Variants in CLDN1 observed in about 807,000 individuals in gnomAD.
The protein encoded by CLDN1 is claudin 1, also known as claudin-1.
In CLDN1, 12 loss-of-function variants were observed where a neutral mutation model predicts 22.6. The ratio of observed to expected loss-of-function variants is 0.53; its 90% CI spans 0.34 to 0.86. The LOEUF (loss-of-function observed/expected upper bound fraction) is 0.86, where lower values mean the gene tolerates loss of function less well. Ranked by LOEUF, CLDN1 falls within the 40% of genes least tolerant of loss-of-function variation. The pLI, the probability that CLDN1 is intolerant of heterozygous loss-of-function variation, is 0.02. For missense variants in CLDN1, 250 were observed against 269.5 expected, an observed-to-expected ratio of 0.93 and a Z score of 0.51; for synonymous variants, 99 against 103.8, an observed-to-expected ratio of 0.95 and a Z score of 0.28.
intron 2 of CLDN1, among the ~76,000 whole-genome samples, chr3:190,312,230 CT>C (rs561672543): frequency 4.9e-4 from 74 of 151,862 alleles, no homozygotes; most frequent in African/African-American, 1.6e-3. Flanking sequence ...CACACCTGGC[CT>C]AAAAAACACG....
intron 1 of CLDN1, 142 bp downstream of exon 1, chr3:190,321,842 C>A (rs1272534078): frequency 5.7e-6 from 4 of 704,146 alleles, no homozygotes; most frequent in Non-Finnish European, 9.7e-6. Flanking sequence ...CTCTTCATTT[C>A]CTTATGACAG....
intron 1 of CLDN1, among the ~76,000 whole-genome samples, chr3:190,317,761 C>G (rs1049897480): frequency 1.5e-4 from 23 of 152,182 alleles, no homozygotes; most frequent in Admixed American, 3.9e-4. Flanking sequence ...TACAGAAAGT[C>G]AACCCTCCCT....
In CLDN1 at chr3:190,308,239, G is replaced by T. The variant is rs756313619; in HGVS notation, c.*38C>A. ...TGATAGTATCTCAATGTCCATTTTC[G>T]GTTTGTTTCAACATGATTTTCTCCT... is the stretch of plus-strand genomic sequence containing the variant. On this transcript the variant is annotated 3_prime_UTR_variant, in exon 4 of 4. Coordinates refer to ENST00000295522, the MANE Select transcript of CLDN1 (RefSeq NM_021101.5). The T allele has an allele frequency of 8.2e-5, 132 of 1,609,712 alleles. 3 individuals carry two copies. In the East Asian group the frequency reaches 1.2e-3, roughly 15 times the overall value.
chr3:190,313,031 A>G lies in CLDN1; in HGVS notation c.229T>C (p.Leu77=), dbSNP rs1040472436. 6 of 1,614,044 alleles carry G rather than the reference A, an allele frequency of 3.7e-6. No homozygotes were observed. The highest frequency in any genetic ancestry group is 1.3e-5 in the African/African-American group (1 of 74,920). Residue 77 remains leucine (L), a synonymous_variant, in exon 2 of 4, where the codon TTG becomes CTG. Coordinates refer to ENST00000295522, the MANE Select transcript of CLDN1 (RefSeq NM_021101.5). ...FDSLLNLSST[L]QATRALMVVG... ...ACCATCAAGGCACGGGTTGCTTGCA[A>G]TGTGCCTGGCAGAAAACATTTTAAA...
Position 190,310,719 on chromosome 3 carries a change from T to C in CLDN1, c.389-466A>G, listed in dbSNP as rs542904980. 8.5e-5 allele frequency among the ~76,000 whole-genome samples: 13 copies of C among 152,210 alleles called. 1 individual carries two copies. The South Asian group carries it at 2.5e-3, about 29-fold the overall frequency. ...GTCAAAAGGAATGCAAGCAGCTAGATAGAGTGAGATCAGGACATGTCTCAG... is the reference window on the plus strand; with the variant it reads ...GTCAAAAGGAATGCAAGCAGCTAGACAGAGTGAGATCAGGACATGTCTCAG... On this transcript the variant is annotated intron_variant, in intron 2 of 3. Transcript: ENST00000295522.
chr3:190,319,145 TAAG>T (rs780549489), intron 1 of CLDN1, among the ~76,000 whole-genome samples: 102 of 152,216 alleles, frequency 6.7e-4, no homozygotes, highest in Non-Finnish European at 1.2e-3. Context: ...TAAAGTCAAG[TAAG>T]AAGAAGCATT....
chr3:190,317,501 T>C (rs1050630021), intron 1 of CLDN1, among the ~76,000 whole-genome samples: 2 of 152,212 alleles, frequency 1.3e-5, no homozygotes, highest in African/African-American at 2.4e-5. Context: ...AATCAACAAA[T>C]GTGTAGAAAG....
rs993487954 is a variant in CLDN1 at position 190,306,746 on chromosome 3, G to A, written c.*1531C>T. On this transcript the variant is annotated 3_prime_UTR_variant, in exon 4 of 4. Transcript: ENST00000295522. ...ACAGACTGGAAAAGTAAGAGCAGTTGTTAAAATGGAACAGAGCACAAACAT... is the reference window on the plus strand; with the variant it reads ...ACAGACTGGAAAAGTAAGAGCAGTTATTAAAATGGAACAGAGCACAAACAT... The A allele has an allele frequency of 2.0e-5, 3 of 152,712 alleles. No homozygotes were observed. The highest frequency in any genetic ancestry group is 6.5e-5 in the Admixed American group (1 of 15,276). The allele number at this position is 152,712 out of a possible 1,614,324, so 9.5% of individuals were successfully genotyped here.
Position 190,315,371 on chromosome 3 carries a change from G to A in CLDN1, c.224-2335C>T, listed in dbSNP as rs137983615. ...AATTGGGAGAGCTGGTCATCCTAACGCAGGATGATAGGATGTGCAAAGTAA... is the reference window on the plus strand; with the variant it reads ...AATTGGGAGAGCTGGTCATCCTAACACAGGATGATAGGATGTGCAAAGTAA... On this transcript the variant is annotated intron_variant, in intron 1 of 3. Transcript: ENST00000295522. 5.4e-3 allele frequency among the ~76,000 whole-genome samples: 823 copies of A among 152,220 alleles called. 4 individuals are homozygous for A. Among genetic ancestry groups the A allele is most frequent in the African/African-American group, 0.014 (585 of 41,544 alleles).
intron 1 of CLDN1, among the ~76,000 whole-genome samples, chr3:190,319,584 A>T (rs372596801): frequency 6.6e-6 from 1 of 152,202 alleles, no homozygotes; most frequent in Admixed American, 6.5e-5. Flanking sequence ...ACAGATTTTA[A>T]TACTTCCCGT....
chr3:190,308,104 G>A lies in CLDN1; in HGVS notation c.*173C>T. 1.4e-6 allele frequency: 1 copy of A among 718,366 alleles called. No homozygotes were observed. The highest frequency in any genetic ancestry group is 2.3e-6 in the Non-Finnish European group (1 of 426,580). 44.5% of individuals were successfully genotyped at this position (718,366 alleles called of 1,614,324 possible). ...AGGAAAGAAGATAAAATAAGATTAA[G>A]CCATGTTTAGCACTGAGTATTTTAA... is the stretch of plus-strand genomic sequence containing the variant. On this transcript the variant is annotated 3_prime_UTR_variant, in exon 4 of 4. Transcript: ENST00000295522.
In CLDN1 at chr3:190,321,976, G is replaced by T; in HGVS notation, c.223+8C>A. 1 of 1,610,990 alleles carries T rather than the reference G, an allele frequency of 6.2e-7. No individual in the cohort carries two copies. The highest frequency in any genetic ancestry group is 8.5e-7 in the Non-Finnish European group (1 of 1,177,202). ...TGGACGGCCGCTGTGAGGTGGGGGTGCACTCACTGCTCAGATTCAGCAAGG... is the reference window on the plus strand; with the variant it reads ...TGGACGGCCGCTGTGAGGTGGGGGTTCACTCACTGCTCAGATTCAGCAAGG... On this transcript the variant is annotated splice_region_variant and intron_variant, in intron 1 of 3. Coordinates refer to ENST00000295522, the MANE Select transcript of CLDN1 (RefSeq NM_021101.5).
At position 190,322,429 on chromosome 3, in the gene CLDN1, A is replaced by G. The variant is rs373105262; in HGVS notation, c.-223T>C. ...GATACTAGAAGCTGCGGTTGCTCCC[A>G]GGCTCGGGAACTGAGACGCAGAACC... On this transcript the variant is annotated 5_prime_UTR_variant, in exon 1 of 4. Transcript: ENST00000295522. 1.7e-6 allele frequency: 1 copy of G among 587,096 alleles called. No individual in the cohort carries two copies. Among genetic ancestry groups the G allele is most frequent in the East Asian group, 2.8e-5 (1 of 35,186 alleles). The allele number at this position is 587,096 out of a possible 1,614,324, so 36.4% of individuals were successfully genotyped here. A position where few individuals can be genotyped will look rare whatever the true frequency, so the allele number is the denominator to read the frequency against.
At chr3:190,312,733 G>C (rs1256279297) in intron 2 of CLDN1, 139 bp downstream of exon 2, 11 of 910,982 alleles carry the variant, frequency 1.2e-5, no homozygotes, top group Non-Finnish European at 1.6e-5. Flanking sequence ...TTGAGAACAT[G>C]AAAGTCAACT....
chr3:190,320,741 T>C (rs550906901), intron 1 of CLDN1, among the ~76,000 whole-genome samples: 1 of 152,256 alleles, frequency 6.6e-6, no homozygotes, highest in African/African-American at 2.4e-5. Flanking sequence ...ATGCCAACAC[T>C]TTTCACCCTT....
At chr3:190,311,688 T>C (rs1159731550) in intron 2 of CLDN1, among the ~76,000 whole-genome samples, 1 of 150,986 alleles carries the variant, frequency 6.6e-6, no homozygotes, top group Non-Finnish European at 1.5e-5. Context: ...TAGTCTATTA[T>C]TATAGCTGTA....
chr3:190,312,994 A>T lies in CLDN1; in HGVS notation c.266T>A (p.Leu89His). 1 of 1,614,204 alleles carries T rather than the reference A, an allele frequency of 6.2e-7. No individual in the cohort carries two copies. The highest frequency in any genetic ancestry group is 8.5e-7 in the Non-Finnish European group (1 of 1,180,024). Reference sequence around the variant, plus strand: ...CACAAAGATTGCTATCACTCCCAGGAGGATGCCAACCACCATCAAGGCACG... The same window carrying T: ...CACAAAGATTGCTATCACTCCCAGGTGGATGCCAACCACCATCAAGGCACG... ...ATRALMVVGI[L>H]LGVIAIFVAT... Residue 89 changes from leucine to histidine, a missense_variant, in exon 2 of 4, where the codon CTC becomes CAC. Transcript: ENST00000295522.
rs138570465 is a variant in CLDN1 at position 190,318,978 on chromosome 3, C to T, written c.223+3006G>A. On this transcript the variant is annotated intron_variant, in intron 1 of 3. Transcript: ENST00000295522. ...AAACAAATTACAGAATCTCAGGGTT[C>T]GGTGAGATTGAGAGAGAGTCTAGCC... 2.0e-5 allele frequency among the ~76,000 whole-genome samples: 3 copies of T among 152,204 alleles called. No individual in the cohort carries two copies. The East Asian group carries it at 5.8e-4, about 30-fold the overall frequency.
At chr3:190,318,101 A>T (rs1302496150) in intron 1 of CLDN1, among the ~76,000 whole-genome samples, 1 of 152,212 alleles carries the variant, frequency 6.6e-6, no homozygotes, top group Non-Finnish European at 1.5e-5. Flanking sequence ...TAAAAGTCCT[A>T]ATCATTAGCA....
Sources: allele counts gnomAD v4.1 joint callset (sites outside exome capture counted in the v4.1 genomes callset), GRCh38; gene constraint gnomAD v4.1.1; transcripts MANE v1.5; gene names NCBI Gene and HGNC (gene_info 2026-07-23, HGNC 2026-07-21).